Variants in IPP observed in about 807,000 individuals in gnomAD.
IPP encodes intracisternal A particle-promoted polypeptide.
In IPP, 41 loss-of-function variants were observed where a neutral mutation model predicts 64.1. The observed-to-expected ratio is 0.64, with a 90% confidence interval of 0.50 to 0.83. The LOEUF is 0.83. Ranked by LOEUF, IPP falls within the 40% of genes least tolerant of loss-of-function variation. The pLI is 0.00. For missense variants in IPP, 649 were observed against 703.0 expected (o/e 0.92, Z 0.87); for synonymous variants, 214 against 235.2 (o/e 0.91, Z 0.83).
Position 45,719,333 on chromosome 1 carries a change from CT to C in IPP, c.1055del (p.Lys352ArgfsTer4). 6.3e-7 allele frequency: 1 copy of C among 1,590,872 alleles called. No homozygotes were observed. The part of the protein sequence containing the change: ...GGMVYAIGGE[K>X]DSMIFDCTEC... ...CAGTACAATCAAAAATCATTGAATC[CT>C]TTTCACCTGAGTTAAATAAAAGAGA... On this transcript the variant is annotated frameshift_variant, in exon 6 of 9. Transcript: ENST00000396478. LOFTEE classifies it high-confidence loss of function.
Position 45,750,043 on chromosome 1 carries a change from A to G in IPP, c.-51+554T>C, listed in dbSNP as rs374001272. On this transcript the variant is annotated intron_variant, in intron 1 of 8. Transcript: ENST00000396478. ...ATTCCAGCCTAGGAGAAGGGGCGAG[A>G]CTGTCTCAAAAAAAAAAGCAGATTA... 4.6e-3 allele frequency among the ~76,000 whole-genome samples: 695 copies of G among 152,058 alleles called. 8 individuals are homozygous for G. Among genetic ancestry groups the G allele is most frequent in the African/African-American group, 0.016 (652 of 41,494 alleles).
chr1:45,708,148 TCCACCTC>T (rs1645538994), intron 8 of IPP, among the ~76,000 whole-genome samples: 2 of 151,228 alleles, frequency 1.3e-5, no homozygotes, highest in South Asian at 4.2e-4. Flanking sequence ...CACTGCAAGC[TCCACCTC>T]CCAGGTTCAT....
chr1:45,729,835 C>G, intron 3 of IPP, 66 bp from the exon 4 acceptor site: 1 of 937,886 alleles, frequency 1.1e-6, no homozygotes, highest in Non-Finnish European at 1.6e-6. Context: ...AAACACATTT[C>G]TATAAAGATA....
chr1:45,712,996 C>A (rs938194085), intron 8 of IPP, among the ~76,000 whole-genome samples: 3 of 151,404 alleles, frequency 2.0e-5, no homozygotes, highest in African/African-American at 7.3e-5. Flanking sequence ...AATTAAAAGG[C>A]AACATATCAA....
At chr1:45,736,002 TG>T (rs1335370568) in intron 3 of IPP, among the ~76,000 whole-genome samples, 3 of 149,706 alleles carry the variant, frequency 2.0e-5, no homozygotes, top group Non-Finnish European at 4.4e-5. Flanking sequence ...TCCCAGCTAC[TG>T]GGGAGGCTGA....
In IPP at chr1:45,729,289, TTTTC is replaced by T. The variant is rs201395843; in HGVS notation, c.880+321_880+324del. Among the ~76,000 whole-genome samples, 465 of 152,326 alleles carry T rather than the reference TTTTC, an allele frequency of 3.1e-3. 4 individuals carry two copies. Among genetic ancestry groups the T allele is most frequent in the East Asian group, 0.023 (117 of 5,192 alleles). On this transcript the variant is annotated intron_variant, in intron 4 of 8. Coordinates refer to ENST00000396478, the MANE Select transcript of IPP (RefSeq NM_005897.3). ...GAATAGTTTAAAAACTTGAGATTTA[TTTTC>T]TTTATTTTTCACAATAATTCAAATT...
chr1:45,727,112 C>T (rs1464455224), intron 5 of IPP, among the ~76,000 whole-genome samples: 1 of 152,040 alleles, frequency 6.6e-6, no homozygotes. Flanking sequence ...TACAGTGGCA[C>T]GATCATGGCT....
At chr1:45,710,224 TAA>T (rs1209349898) in intron 8 of IPP, among the ~76,000 whole-genome samples, 1 of 63,686 alleles carries the variant, frequency 1.6e-5, no homozygotes, top group African/African-American at 6.3e-5. Flanking sequence ...AGACTCTGTC[TAA>T]AAAAAAAAAA....
chr1:45,746,418 G>A lies in IPP; in HGVS notation c.-7C>T, dbSNP rs769651889. ...GACAGTCCTCATTAGCCATGATGAC[G>A]GTAGATTAATTAAAAGGACTGTTGC... On this transcript the variant is annotated 5_prime_UTR_variant, in exon 2 of 9. Coordinates refer to ENST00000396478, the MANE Select transcript of IPP (RefSeq NM_005897.3). 20 of 1,591,806 alleles carry A rather than the reference G, an allele frequency of 1.3e-5. No homozygotes were observed. The highest frequency in any genetic ancestry group is 2.7e-5 in the African/African-American group (2 of 74,298).
Position 45,722,500 on chromosome 1 carries a change from G to A in IPP, c.1049-3160C>T, listed in dbSNP as rs965639750. Among the ~76,000 whole-genome samples, 15 of 151,940 alleles carry A rather than the reference G, an allele frequency of 9.9e-5. No homozygotes were observed. In the East Asian group the frequency reaches 2.5e-3, roughly 25 times the overall value. On this transcript the variant is annotated intron_variant, in intron 5 of 8. Coordinates refer to ENST00000396478, the MANE Select transcript of IPP (RefSeq NM_005897.3). Reference sequence around the variant, plus strand: ...GCAGAGGTTGCAGTGAGTCGACATCGCACCACTGCATTCCAGCCTGGGCAA... The same window carrying A: ...GCAGAGGTTGCAGTGAGTCGACATCACACCACTGCATTCCAGCCTGGGCAA...
rs570381573 is a variant in IPP, at chr1:45,699,429, C to T, written c.*537G>A. On this transcript the variant is annotated 3_prime_UTR_variant, in exon 9 of 9. Transcript: ENST00000396478. ...CTATATCACATAAAGTTTTATGTTA[C>T]AATTTATACTGCACTGGAGAAGTAG... 1 of 985,660 alleles carries T rather than the reference C, an allele frequency of 1.0e-6. No individual in the cohort carries two copies. The highest frequency in any genetic ancestry group is 4.7e-5 in the South Asian group (1 of 21,360). The allele number at this position is 985,660 out of a possible 1,614,324, so 61.1% of individuals were successfully genotyped here.
chr1:45,743,217 C>T (rs1383339701), intron 2 of IPP, among the ~76,000 whole-genome samples: 2 of 151,006 alleles, frequency 1.3e-5, no homozygotes, highest in Non-Finnish European at 3.0e-5. Context: ...GGATTACAGG[C>T]GTGAGCCACC....
chr1:45,720,700 A>G (rs946182713), intron 5 of IPP, among the ~76,000 whole-genome samples: 2 of 152,196 alleles, frequency 1.3e-5, no homozygotes, highest in Non-Finnish European at 2.9e-5. Flanking sequence ...ACAGAAACGT[A>G]CCTATATGAT....
chr1:45,707,422 CA>C (rs66578618), intron 8 of IPP, among the ~76,000 whole-genome samples: 59 of 73,562 alleles, frequency 8.0e-4, no homozygotes, highest in African/African-American at 2.4e-3. Flanking sequence ...GACTCCATAT[CA>C]AAAAAAAAAA....
At chr1:45,712,541 G>A (rs1645604093) in intron 8 of IPP, among the ~76,000 whole-genome samples, 1 of 151,358 alleles carries the variant, frequency 6.6e-6, no homozygotes, top group Admixed American at 6.6e-5. Flanking sequence ...AGTCAAACAA[G>A]AAATTACCAG....
chr1:45,716,147 T>A (rs960323315), intron 7 of IPP, among the ~76,000 whole-genome samples: 3 of 152,156 alleles, frequency 2.0e-5, no homozygotes, highest in Admixed American at 1.3e-4. Flanking sequence ...CAACATAGAA[T>A]CCTTTAAATC....
intron 3 of IPP, among the ~76,000 whole-genome samples, chr1:45,731,730 TA>T (rs1645908609): frequency 6.6e-6 from 1 of 151,838 alleles, no homozygotes; most frequent in African/African-American, 2.4e-5. Context: ...GGTCAGGAGT[TA>T]AGAGACCAGC....
chr1:45,695,827 G>A (rs1416884956), downstream of IPP, among the ~76,000 whole-genome samples: 4 of 152,242 alleles, frequency 2.6e-5, no homozygotes, highest in South Asian at 2.1e-4. Context: ...GCGCCACCAT[G>A]CCCAGCTAAT....
intron 3 of IPP, among the ~76,000 whole-genome samples, chr1:45,734,408 A>G (rs979545403): frequency 8.6e-5 from 13 of 151,956 alleles, no homozygotes; most frequent in African/African-American, 3.1e-4. Flanking sequence ...TAATATGTAT[A>G]AAATTATTTT....
Sources: gnomAD v4.1 joint callset for allele counts (sites outside exome capture counted in the v4.1 genomes callset) on GRCh38, gnomAD v4.1.1 for gene constraint, MANE v1.5 for transcripts, NCBI Gene and HGNC (gene_info 2026-07-23, HGNC 2026-07-21) for gene names.